NTM: variants seen among roughly 807,000 people sequenced by gnomAD.
The protein encoded by NTM is neurotrimin.
NTM carries 13 observed loss-of-function variants against 42.1 expected under a neutral mutation model. The observed-to-expected ratio is 0.31, with a 90% confidence interval of 0.20 to 0.49. The LOEUF is 0.49. Ranked by LOEUF, NTM falls within the 20% of genes least tolerant of loss-of-function variation. The probability of loss-of-function intolerance (pLI) is 0.99; values close to 1 mark genes in which losing one functional copy is unlikely to be tolerated. For missense variants in NTM, 373 were observed against 452.8 expected, an observed-to-expected ratio of 0.82 and a Z score of 1.60; for synonymous variants, 187 against 179.2, an observed-to-expected ratio of 1.04 and a Z score of -0.35.
chr11:132,045,385 A>T (rs1465555736), intron 2 of NTM, among the ~76,000 whole-genome samples: 1 of 152,172 alleles, frequency 6.6e-6, no homozygotes, highest in Non-Finnish European at 1.5e-5. Context: ...TTACAAATGT[A>T]TTGGTAATTA....
At chr11:131,789,038 C>G (rs2089738576) in intron 1 of NTM, among the ~76,000 whole-genome samples, 1 of 152,226 alleles carries the variant, frequency 6.6e-6, no homozygotes, top group Admixed American at 6.5e-5. Flanking sequence ...GTGGAGCACT[C>G]TCTGAATGAG....
At chr11:132,268,746 G>A (rs2093343210) in intron 4 of NTM, among the ~76,000 whole-genome samples, 1 of 151,586 alleles carries the variant, frequency 6.6e-6, no homozygotes, top group Non-Finnish European at 1.5e-5. Flanking sequence ...TATTTTTAAA[G>A]ATAGGTCTGA....
chr11:131,746,222 G>A (rs547445657), intron 1 of NTM, among the ~76,000 whole-genome samples: 9 of 152,290 alleles, frequency 5.9e-5, no homozygotes, highest in Admixed American at 5.9e-4. Flanking sequence ...TTTCAGGGCT[G>A]GTGAGATTTA....
chr11:131,813,446 A>G (rs560057401), intron 1 of NTM, among the ~76,000 whole-genome samples: 1 of 152,284 alleles, frequency 6.6e-6, no homozygotes, highest in Non-Finnish European at 1.5e-5. Flanking sequence ...CCAACTCATC[A>G]TAGATGGAGC....
chr11:131,788,298 CATTATA>C (rs1362928673), intron 1 of NTM, among the ~76,000 whole-genome samples: 4 of 151,920 alleles, frequency 2.6e-5, no homozygotes, highest in African/African-American at 9.7e-5. Context: ...TACTCTTTCC[CATTATA>C]ATTATTTTTG....
At chr11:131,434,893 G>A (rs1210874782) in intron 1 of NTM, among the ~76,000 whole-genome samples, 1 of 152,152 alleles carries the variant, frequency 6.6e-6, no homozygotes, top group African/African-American at 2.4e-5. Context: ...GTATTGCCTA[G>A]GATTTCTTCT....
At chr11:131,709,031 G>A (rs572330202) in intron 1 of NTM, among the ~76,000 whole-genome samples, 1 of 152,126 alleles carries the variant, frequency 6.6e-6, no homozygotes, top group Non-Finnish European at 1.5e-5. Flanking sequence ...TGTGGGGAGA[G>A]AAGAAAACAT....
chr11:131,434,958 A>G (rs1295943414), intron 1 of NTM, among the ~76,000 whole-genome samples: 2 of 152,124 alleles, frequency 1.3e-5, no homozygotes, highest in East Asian at 1.9e-4. Context: ...TCTTGAATTT[A>G]TTTTTGTCTA....
chr11:132,018,144 C>T (rs780425146), intron 2 of NTM, among the ~76,000 whole-genome samples: 1 of 151,478 alleles, frequency 6.6e-6, no homozygotes, highest in Non-Finnish European at 1.5e-5. Context: ...TCTTTTCCTC[C>T]CTCTCTCGTT....
chr11:132,125,616 T>C, intron 2 of NTM, among the ~76,000 whole-genome samples: 1 of 49,624 alleles, frequency 2.0e-5, no homozygotes, highest in African/African-American at 7.8e-5. Context: ...ATGTGTGTGG[T>C]GTTTGGTGGT....
intron 2 of NTM, among the ~76,000 whole-genome samples, chr11:132,005,309 A>C (rs970196291): frequency 6.6e-6 from 1 of 152,210 alleles, no homozygotes; most frequent in Admixed American, 6.5e-5. Context: ...TGGGTGATGA[A>C]TATCTACAAA....
intron 1 of NTM, among the ~76,000 whole-genome samples, chr11:131,864,181 A>G (rs1284676999): frequency 6.6e-6 from 1 of 152,222 alleles, no homozygotes; most frequent in African/African-American, 2.4e-5. Context: ...TCCTCTTGAA[A>G]TGTAAAGATT....
At chr11:131,793,230 C>T (rs1180721216) in intron 1 of NTM, among the ~76,000 whole-genome samples, 2 of 152,174 alleles carry the variant, frequency 1.3e-5, no homozygotes, top group Non-Finnish European at 2.9e-5. Context: ...GGTAATGCTA[C>T]TATTATTTGG....
chr11:131,921,594 A>G (rs975207564), intron 2 of NTM, among the ~76,000 whole-genome samples: 1 of 152,006 alleles, frequency 6.6e-6, no homozygotes, highest in East Asian at 1.9e-4. Context: ...ACATTTGCAT[A>G]TTAAAAAAAT....
intron 1 of NTM, among the ~76,000 whole-genome samples, chr11:131,601,159 CCTCAACCT>C (rs2060452449): frequency 2.0e-5 from 3 of 152,324 alleles, no homozygotes; most frequent in African/African-American, 7.2e-5. Flanking sequence ...GCCCTTTCAA[CCTCAACCT>C]CTGATTTGGC....
intron 4 of NTM, among the ~76,000 whole-genome samples, chr11:132,265,467 A>G (rs2093123009): frequency 6.6e-6 from 1 of 152,158 alleles, no homozygotes; most frequent in East Asian, 1.9e-4. Flanking sequence ...ACCAGAAACA[A>G]CCCAAACTCT....
chr11:131,714,496 T>C (rs867085174), intron 1 of NTM, among the ~76,000 whole-genome samples: 1 of 152,114 alleles, frequency 6.6e-6, no homozygotes, highest in Non-Finnish European at 1.5e-5. Context: ...CAGCCAAGAT[T>C]TTTTCTATCT....
At chr11:131,666,223 A>G (rs1485614566) in intron 1 of NTM, among the ~76,000 whole-genome samples, 1 of 152,010 alleles carries the variant, frequency 6.6e-6, no homozygotes, top group African/African-American at 2.4e-5. Context: ...CCTGCCTATC[A>G]CTCCTTTGCT....
At chr11:132,172,007 T>C (rs899087686) in intron 3 of NTM, among the ~76,000 whole-genome samples, 2 of 152,210 alleles carry the variant, frequency 1.3e-5, no homozygotes, top group African/African-American at 2.4e-5. Context: ...ATATTGGTGC[T>C]CATTCAGACA....
Sources: gnomAD v4.1 joint callset for allele counts (sites outside exome capture counted in the v4.1 genomes callset) on GRCh38, gnomAD v4.1.1 for gene constraint, MANE v1.5 for transcripts, NCBI Gene and HGNC (gene_info 2026-07-23, HGNC 2026-07-21) for gene names.